The following DOCK4 variants were observed in gnomAD, a reference collection of about 807,000 sequenced individuals.
DOCK4 encodes dedicator of cytokinesis 4.
DOCK4 carries 97 observed loss-of-function variants against 268.1 expected under a neutral mutation model. That is an observed-to-expected ratio of 0.36 (90% CI 0.31 to 0.43). DOCK4 has a LOEUF of 0.43. Among genes scored for constraint, DOCK4 ranks in the 20% least tolerant of loss-of-function variants. The pLI is 1.00. For missense variants in DOCK4, 2,145 were observed against 2,455.7 expected (o/e 0.87, Z 2.67); for synonymous variants, 954 against 887.2 (o/e 1.08, Z -1.34).
At chr7:111,765,271 C>T in intron 38 of DOCK4, 49 bp from the exon 39 acceptor site, 1 of 1,036,540 alleles carries the variant, frequency 9.6e-7, no homozygotes, top group South Asian at 1.7e-5. Context: ...TCTTTCGGTT[C>T]TATCAAATTT....
At chr7:112,134,654 T>C (rs1333194910) in intron 1 of DOCK4, among the ~76,000 whole-genome samples, 2 of 152,172 alleles carry the variant, frequency 1.3e-5, no homozygotes, top group Non-Finnish European at 2.9e-5. Context: ...AGGCAGAGCT[T>C]GCAGTGAGCT....
chr7:111,936,603 A>G (rs1794764565), intron 11 of DOCK4, among the ~76,000 whole-genome samples: 1 of 152,094 alleles, frequency 6.6e-6, no homozygotes, highest in African/African-American at 2.4e-5. Flanking sequence ...ATCCATCCTT[A>G]CTGCCACTAC....
chr7:112,070,193 G>A (rs1167914376), intron 1 of DOCK4, among the ~76,000 whole-genome samples: 2 of 152,136 alleles, frequency 1.3e-5, no homozygotes, highest in Non-Finnish European at 2.9e-5. Context: ...TGAATATAAT[G>A]ACAACAGAGT....
chr7:111,736,308 C>T (rs1188163990), intron 50 of DOCK4, among the ~76,000 whole-genome samples: 1 of 152,132 alleles, frequency 6.6e-6, no homozygotes, highest in Non-Finnish European at 1.5e-5. Context: ...CAAGCCCCGA[C>T]CCCGTAGCTG....
At position 111,935,520 on chromosome 7, in the gene DOCK4, C is replaced by G; in HGVS notation, c.1066+20G>C. ...TTGGAACGAAAAGTGTAGGGAAAGT[C>G]AGCCAGCCCATACACTCACCTGCAT... On this transcript the variant is annotated intron_variant, in intron 12 of 52. Coordinates refer to ENST00000428084, the MANE Select transcript of DOCK4 (RefSeq NM_001363540.2). The G allele has an allele frequency of 6.2e-7, 1 of 1,608,850 alleles. No homozygotes were observed. The highest frequency in any genetic ancestry group is 8.5e-7 in the Non-Finnish European group (1 of 1,176,514).
At chr7:111,882,853 C>G (rs536404548) in intron 16 of DOCK4, among the ~76,000 whole-genome samples, 2 of 152,146 alleles carry the variant, frequency 1.3e-5, no homozygotes, top group Non-Finnish European at 2.9e-5. Flanking sequence ...AGGTGATCCG[C>G]CTGCCTCAGC....
At chr7:111,839,254 C>A (rs1803478462) in intron 25 of DOCK4, among the ~76,000 whole-genome samples, 4 of 152,148 alleles carry the variant, frequency 2.6e-5, no homozygotes, top group African/African-American at 9.7e-5. Flanking sequence ...AAGGTTCATA[C>A]TTTTTTACCT....
At chr7:111,882,721 TC>T (rs1478295572) in intron 16 of DOCK4, among the ~76,000 whole-genome samples, 3 of 152,040 alleles carry the variant, frequency 2.0e-5, no homozygotes, top group Non-Finnish European at 4.4e-5. Flanking sequence ...CAAGCAATTC[TC>T]CTGCCTCAGC....
At chr7:112,087,146 T>C (rs6969874) in intron 1 of DOCK4, among the ~76,000 whole-genome samples, 36,105 of 151,956 alleles carry the variant, frequency 0.24, 5,721 homozygotes, top group Non-Finnish European at 0.35. Flanking sequence ...ATAGATGATG[T>C]CCTTCTCCAG....
intron 1 of DOCK4, among the ~76,000 whole-genome samples, chr7:112,020,517 A>T (rs575769651): frequency 2.2e-4 from 34 of 152,154 alleles, no homozygotes; most frequent in African/African-American, 8.2e-4. Context: ...TAGAATTTAC[A>T]TTTGTTTTGG....
intron 1 of DOCK4, among the ~76,000 whole-genome samples, chr7:112,037,335 A>G (rs1426280494): frequency 2.0e-5 from 3 of 152,198 alleles, no homozygotes; most frequent in Non-Finnish European, 4.4e-5. Context: ...GTCAGCCTGT[A>G]ACTCCATTGT....
intron 12 of DOCK4, among the ~76,000 whole-genome samples, chr7:111,933,280 A>T (rs187034969): frequency 1.3e-4 from 13 of 100,554 alleles, no homozygotes; most frequent in Admixed American, 5.6e-4. Flanking sequence ...ACATATATAC[A>T]TATATATATA....
intron 8 of DOCK4, among the ~76,000 whole-genome samples, chr7:111,951,717 T>A (rs1240741291): frequency 6.7e-6 from 1 of 150,148 alleles, no homozygotes; most frequent in African/African-American, 2.5e-5. Flanking sequence ...CACATTCCTA[T>A]AATCCCAGGC....
chr7:112,017,416 C>T (rs140112507), intron 1 of DOCK4, among the ~76,000 whole-genome samples: 1 of 152,282 alleles, frequency 6.6e-6, no homozygotes, highest in East Asian at 1.9e-4. Flanking sequence ...ATAATAATTA[C>T]ACATGTAATG....
intron 1 of DOCK4, among the ~76,000 whole-genome samples, chr7:112,045,676 A>G (rs1278845556): frequency 6.6e-6 from 1 of 152,242 alleles, no homozygotes. Flanking sequence ...TAATTGCCCA[A>G]TAATATCTGA....
At chr7:112,204,445 T>C (rs1821202360) in intron 1 of DOCK4, among the ~76,000 whole-genome samples, 1 of 152,202 alleles carries the variant, frequency 6.6e-6, no homozygotes, top group African/African-American at 2.4e-5. Context: ...GCAAAGGGAC[T>C]ATCTTTTTCC....
intron 1 of DOCK4, among the ~76,000 whole-genome samples, chr7:112,076,020 T>G (rs968492970): frequency 2.0e-5 from 3 of 152,170 alleles, no homozygotes; most frequent in African/African-American, 7.2e-5. Flanking sequence ...CATTTGACAC[T>G]TTTTCTATAT....
At chr7:112,119,816 C>T (rs796542295) in intron 1 of DOCK4, among the ~76,000 whole-genome samples, 5 of 151,134 alleles carry the variant, frequency 3.3e-5, no homozygotes, top group East Asian at 3.9e-4. Context: ...CAGTGCCTGG[C>T]GTATATTTAG....
chr7:111,829,926 T>C (rs1034193277), intron 26 of DOCK4, among the ~76,000 whole-genome samples: 27 of 152,306 alleles, frequency 1.8e-4, no homozygotes, highest in Non-Finnish European at 3.7e-4. Context: ...TCACTCTAGA[T>C]TTTATTGGAG....
Sources: gnomAD v4.1 joint callset for allele counts (sites outside exome capture counted in the v4.1 genomes callset) on GRCh38, gnomAD v4.1.1 for gene constraint, MANE v1.5 for transcripts, NCBI Gene and HGNC (gene_info 2026-07-23, HGNC 2026-07-21) for gene names.